The following OTUB1 variants were observed in gnomAD, a reference collection of about 807,000 sequenced individuals.
The protein encoded by OTUB1 is OTU deubiquitinase, ubiquitin aldehyde binding 1, also known as ubiquitin thioesterase OTUB1.
In OTUB1, 10 loss-of-function variants were observed where a neutral mutation model predicts 35.8. The ratio of observed to expected loss-of-function variants is 0.28; its 90% CI spans 0.17 to 0.47. OTUB1 has a LOEUF of 0.47. Among genes scored for constraint, OTUB1 ranks in the 20% least tolerant of loss-of-function variants. OTUB1 has a pLI of 0.99. For missense variants in OTUB1, 264 were observed against 351.6 expected, an observed-to-expected ratio of 0.75 and a Z score of 1.99; for synonymous variants, 158 against 143.8, an observed-to-expected ratio of 1.10 and a Z score of -0.71.
chr11:63,993,575 A>T (rs1942691806), intron 3 of OTUB1, among the ~76,000 whole-genome samples: 1 of 151,640 alleles, frequency 6.6e-6, no homozygotes, highest in African/African-American at 2.4e-5. Context: ...GAGACAGGAG[A>T]ATTGCTTGAA....
intron 3 of OTUB1, among the ~76,000 whole-genome samples, chr11:63,992,214 CAA>C (rs907573779): frequency 3.0e-5 from 4 of 135,304 alleles, no homozygotes; most frequent in African/African-American, 8.2e-5. Flanking sequence ...AACTCCACCT[CAA>C]AAAAAAAAAA....
chr11:63,988,505 C>T (rs1942640542), intron 2 of OTUB1, 107 bp downstream of exon 2: 12 of 1,318,658 alleles, frequency 9.1e-6, no homozygotes, highest in Non-Finnish European at 1.2e-5. Context: ...GAAGCTCCCT[C>T]CTCCCTAGGC....
chr11:63,993,893 G>A (rs1052648812), intron 3 of OTUB1, among the ~76,000 whole-genome samples: 16 of 152,084 alleles, frequency 1.1e-4, no homozygotes, highest in Non-Finnish European at 5.9e-5. Flanking sequence ...TTGGGAGGCC[G>A]TGGCAGGCAG....
At chr11:63,988,305 C>T (rs1455334242) in intron 1 of OTUB1, 32 bp from the exon 2 acceptor site, 1 of 1,543,940 alleles carries the variant, frequency 6.5e-7, no homozygotes, top group South Asian at 1.2e-5. Context: ...GCCAGGACCC[C>T]CTGTAATCTT....
At chr11:63,988,573 C>A in intron 2 of OTUB1, 81 bp from the exon 3 acceptor site, 1 of 1,294,594 alleles carries the variant, frequency 7.7e-7, no homozygotes, top group Non-Finnish European at 1.1e-6. Context: ...ACCAGCCCAG[C>A]TCTTTTGTAG....
At chr11:63,988,511 T>C in intron 2 of OTUB1, 113 bp downstream of exon 2, 2 of 1,274,370 alleles carry the variant, frequency 1.6e-6, no homozygotes, top group Non-Finnish European at 2.3e-6. Context: ...CCCTCCTCCC[T>C]AGGCTATGCT....
intron 1 of OTUB1, 118 bp from the exon 2 acceptor site, chr11:63,988,219 T>C: frequency 4.0e-6 from 3 of 756,392 alleles, no homozygotes; most frequent in Non-Finnish European, 4.4e-6. Flanking sequence ...GTAACATACC[T>C]GCTTCCAGAT....
At position 63,997,457 on chromosome 11, in the gene OTUB1, A is replaced by G; in HGVS notation, c.727A>G (p.Thr243Ala). 6.2e-7 allele frequency: 1 copy of G among 1,614,134 alleles called. No homozygotes were observed. Among genetic ancestry groups the G allele is most frequent in the Non-Finnish European group, 8.5e-7 (1 of 1,180,002 alleles). Residue 243 changes from threonine to alanine, a missense_variant, in exon 7 of 7, where the codon ACC (threonine) becomes GCC (alanine). Around this residue, in one of 2 missense-constraint regions of OTUB1, gnomAD observed 214 missense variants for 317.1 expected, o/e 0.67. Coordinates refer to ENST00000538426, the MANE Select transcript of OTUB1 (RefSeq NM_017670.3). Reference sequence around the variant, plus strand: ...GTACATGGACCGCGGCGAGGGCGGCACCACCAATCCGCACATCTTCCCTGA... The same window carrying G: ...GTACATGGACCGCGGCGAGGGCGGCGCCACCAATCCGCACATCTTCCCTGA... ...VEYMDRGEGGTTNPHIFPEGS... is the reference protein window; with the variant it reads ...VEYMDRGEGGATNPHIFPEGS...
intron 3 of OTUB1, among the ~76,000 whole-genome samples, chr11:63,992,162 C>T (rs902166840): frequency 1.3e-5 from 2 of 151,366 alleles, no homozygotes; most frequent in Non-Finnish European, 2.9e-5. Context: ...TGCGGTGAGC[C>T]GAGATTGTGC....
rs1216400384 is a variant in OTUB1, at chr11:63,988,785, C to T, written c.219+33C>T. On this transcript the variant is annotated intron_variant, in intron 3 of 6. Coordinates refer to ENST00000538426, the MANE Select transcript of OTUB1 (RefSeq NM_017670.3). ...CCTGGCCAGAGCGGGTGGGAAGCACCCTGGGGGTGGGGCAGGAGGGTGCCT... is the reference window on the plus strand; with the variant it reads ...CCTGGCCAGAGCGGGTGGGAAGCACTCTGGGGGTGGGGCAGGAGGGTGCCT... The T allele has an allele frequency of 2.1e-6, 3 of 1,447,006 alleles. No individual in the cohort carries two copies. In the African/African-American group the frequency reaches 4.2e-5, roughly 20 times the overall value. The allele number at this position is 1,447,006 out of a possible 1,614,324, so 89.6% of individuals were successfully genotyped here. A position where few individuals can be genotyped will look rare whatever the true frequency, so the allele number is the denominator to read the frequency against.
At position 63,997,144 on chromosome 11, in the gene OTUB1, TCTACCTGCGGCTGCTCACCTCGGG is replaced by T; in HGVS notation, c.527_550del (p.Arg176_Leu183del). 6.2e-7 allele frequency: 1 copy of T among 1,614,208 alleles called. No individual in the cohort carries two copies. Among genetic ancestry groups the T allele is most frequent in the Non-Finnish European group, 8.5e-7 (1 of 1,180,024 alleles). ...CAGAGCACCTCCGACTACCTTGTGG[TCTACCTGCGGCTGCTCACCTCGGG>T]CTACCTGCAGCGCGAGAGCAAGTTC... On this transcript the variant is annotated inframe_deletion, in exon 6 of 7. Transcript: ENST00000538426.
rs564485257 is a variant in OTUB1, at chr11:63,998,090, G to A, written c.*544G>A. ...GAGGGGCCTTTGTGAGGCTGGACCCGGCTCAGGGCAGGTGGAGGAGCTGGG... is the reference window on the plus strand; with the variant it reads ...GAGGGGCCTTTGTGAGGCTGGACCCAGCTCAGGGCAGGTGGAGGAGCTGGG... On this transcript the variant is annotated 3_prime_UTR_variant, in exon 7 of 7. Coordinates refer to ENST00000538426, the MANE Select transcript of OTUB1 (RefSeq NM_017670.3). 2 of 375,624 alleles carry A rather than the reference G, an allele frequency of 5.3e-6. No individual in the cohort carries two copies. The highest frequency in any genetic ancestry group is 5.6e-5 in the South Asian group (2 of 35,752). 23.3% of individuals were successfully genotyped at this position (375,624 alleles called of 1,614,324 possible).
chr11:63,988,604 G>C (rs1942641832), intron 2 of OTUB1, 50 bp from the exon 3 acceptor site: 1 of 1,413,088 alleles, frequency 7.1e-7, no homozygotes, highest in South Asian at 1.1e-5. Flanking sequence ...TGTTAGGCAT[G>C]GGTCACTCCA....
At chr11:63,992,367 C>T (rs1039177126) in intron 3 of OTUB1, among the ~76,000 whole-genome samples, 6 of 145,566 alleles carry the variant, frequency 4.1e-5, no homozygotes, top group Admixed American at 1.4e-4. Context: ...CACCCAGGCC[C>T]GAGGCGAGAG....
At chr11:63,997,011 C>G (rs367604258) in intron 5 of OTUB1, 39 bp from the exon 6 acceptor site, 1 of 1,612,280 alleles carries the variant, frequency 6.2e-7, no homozygotes, top group South Asian at 1.1e-5. Flanking sequence ...CACCCATCTC[C>G]TCCCCGTCAT....
In OTUB1 at chr11:63,996,853, C is replaced by T; in HGVS notation, c.339-4C>T. On this transcript the variant is annotated splice_polypyrimidine_tract_variant and splice_region_variant and intron_variant, in intron 4 of 6. Transcript: ENST00000538426. Reference sequence around the variant, plus strand: ...CTGGGCCCGCCTTTCCATCCCACCCCCAGGTTCAAGGCTGTGTCTGCCAAG... The same window carrying T: ...CTGGGCCCGCCTTTCCATCCCACCCTCAGGTTCAAGGCTGTGTCTGCCAAG... The T allele has an allele frequency of 6.2e-7, 1 of 1,614,206 alleles. No individual in the cohort carries two copies. The highest frequency in any genetic ancestry group is 8.5e-7 in the Non-Finnish European group (1 of 1,180,030).
Position 63,998,401 on chromosome 11 carries a change from A to T in OTUB1, c.*855A>T, listed in dbSNP as rs1325848503. On this transcript the variant is annotated 3_prime_UTR_variant, in exon 7 of 7. Coordinates refer to ENST00000538426, the MANE Select transcript of OTUB1 (RefSeq NM_017670.3). The stretch of plus-strand genomic sequence containing the variant: ...GGGGGCAGGCCCTCAATAAATGTGA[A>T]CTGCTGCTGCCGCCTCTGCCGTCCG... 5.7e-6 allele frequency: 1 copy of T among 175,108 alleles called. No individual in the cohort carries two copies. Among genetic ancestry groups the T allele is most frequent in the Non-Finnish European group, 1.2e-5 (1 of 84,506 alleles). 10.8% of individuals were successfully genotyped at this position (175,108 alleles called of 1,614,324 possible).
At chr11:63,995,190 T>C (rs549163066) in intron 3 of OTUB1, among the ~76,000 whole-genome samples, 4 of 152,260 alleles carry the variant, frequency 2.6e-5, no homozygotes, top group African/African-American at 9.6e-5. Context: ...TGCACCACCA[T>C]GTGCAGCTCA....
intron 3 of OTUB1, among the ~76,000 whole-genome samples, chr11:63,992,055 TA>T (rs902502959): frequency 2.6e-5 from 4 of 152,112 alleles, no homozygotes; most frequent in Non-Finnish European, 5.9e-5. Flanking sequence ...TCGTCTCTAC[TA>T]AAAATACAAA....
Sources: allele counts gnomAD v4.1 joint callset (sites outside exome capture counted in the v4.1 genomes callset), GRCh38; gene constraint gnomAD v4.1.1; regional missense constraint gnomAD v4.1.1; transcripts MANE v1.5; gene names NCBI Gene and HGNC (gene_info 2026-07-23, HGNC 2026-07-21).